FASTKD1: variants seen among roughly 807,000 people sequenced by gnomAD.
FASTKD1 encodes FAST kinase domain-containing protein 1, mitochondrial.
A neutral mutation model predicts 90.9 loss-of-function variants in FASTKD1; 94 were observed. That is an observed-to-expected ratio of 1.03 (90% CI 0.88 to 1.23). The LOEUF is 1.23. Ranked by LOEUF, FASTKD1 falls within the 50% of genes most tolerant of loss-of-function variation. The pLI is 0.00. For missense variants in FASTKD1, 945 were observed against 993.5 expected (o/e 0.95, Z 0.66); for synonymous variants, 319 against 345.8 (o/e 0.92, Z 0.86).
At chr2:169,554,245 T>A (rs932306404) in intron 7 of FASTKD1, among the ~76,000 whole-genome samples, 9 of 109,588 alleles carry the variant, frequency 8.2e-5, no homozygotes, top group Admixed American at 1.5e-4. Flanking sequence ...ACCACTGCAC[T>A]CCAGCCCAGG....
chr2:169,546,148 C>A lies in FASTKD1; in HGVS notation c.1701+70G>T. 6 of 1,428,912 alleles carry A rather than the reference C, an allele frequency of 4.2e-6. No homozygotes were observed. In the South Asian group the frequency reaches 7.4e-5, roughly 18 times the overall value. 88.5% of individuals were successfully genotyped at this position (1,428,912 alleles called of 1,614,324 possible). A position where few individuals can be genotyped will look rare whatever the true frequency, so the allele number is the denominator to read the frequency against. On this transcript the variant is annotated intron_variant, in intron 8 of 14. Transcript: ENST00000453153. ...AATTCCAATCCAAGTTCTCAAAGTG[C>A]CTATGATAAAAATTATGCTTGCAGA...
In FASTKD1 at chr2:169,570,050, C is replaced by A. The variant is rs952726342; in HGVS notation, c.378-798G>T. On this transcript the variant is annotated intron_variant, in intron 2 of 14. Transcript: ENST00000453153. ...GTTTAACATCAATCCCCAATATAAG[C>A]CCCAAGCCCCTTTCCTATAAATGCC... Among the ~76,000 whole-genome samples the A allele has an allele frequency of 2.6e-5, 4 of 152,036 alleles. No homozygotes were observed. The East Asian group carries it at 7.7e-4, about 29-fold the overall frequency.
rs1350390719 is a variant in FASTKD1, at chr2:169,531,361, C to G, written c.2318G>C (p.Gly773Ala). The G allele has an allele frequency of 1.2e-6, 2 of 1,613,440 alleles. No homozygotes were observed. Among genetic ancestry groups the G allele is most frequent in the Admixed American group, 3.3e-5 (2 of 59,956 alleles). Residue 773 changes from glycine (G) to alanine (A), a missense_variant, in exon 13 of 15, where the codon GGG becomes GCG. Gly to Ala is a moderately conservative substitution (Grantham distance 60). Coordinates refer to ENST00000453153, the MANE Select transcript of FASTKD1 (RefSeq NM_024622.6). Reference protein sequence around the residue: ...IEIVGSRLPPGAERIALEFLD... With the variant: ...IEIVGSRLPPAAERIALEFLD... ...CTAAGAAATAAATTACCTTTCAGCC[C>G]CTGGTGGCAGCCTTGATCCAACTAT... is the stretch of plus-strand genomic sequence containing the variant.
chr2:169,572,252 A>AT (rs35526484), intron 1 of FASTKD1, 81 bp from the exon 2 acceptor site: 1 of 381,286 alleles, frequency 2.6e-6, no homozygotes, highest in Non-Finnish European at 4.5e-6. Context: ...AAAGTAATAC[A>AT]TTTTTTCTGC....
At chr2:169,559,078 G>A (rs141022597) in intron 5 of FASTKD1, among the ~76,000 whole-genome samples, 1,542 of 151,224 alleles carry the variant, frequency 0.01, 26 homozygotes, top group African/African-American at 0.035. Flanking sequence ...GGGTTCAAGC[G>A]ATTCTCCTGC....
rs774966469 is a variant in FASTKD1 at position 169,529,892 on chromosome 2, G to A, written c.2477C>T (p.Ser826Leu). 8 of 1,613,366 alleles carry A rather than the reference G, an allele frequency of 5.0e-6. No individual in the cohort carries two copies. Among genetic ancestry groups the A allele is most frequent in the African/African-American group, 2.7e-5 (2 of 74,868 alleles). Residue 826 changes from serine to leucine, a missense_variant, in exon 15 of 15, where the codon TCA (serine) becomes TTA (leucine). Physicochemically the swap from Ser to Leu is moderately radical, Grantham distance 145 (BLOSUM62 -2). Coordinates refer to ENST00000453153, the MANE Select transcript of FASTKD1 (RefSeq NM_024622.6). ...GTAGTCCATCCGAGCATCCTTTGTT[G>A]ACAGTGCCATAGAGTTCCATTCAAA... ...SQFEWNSMAL[S>L]TKDARMDYLR...
In FASTKD1 at chr2:169,560,134, G is replaced by A. The variant is rs1434578063; in HGVS notation, c.971+253C>T. 5.7e-5 allele frequency: 14 copies of A among 243,812 alleles called. No individual in the cohort carries two copies. The South Asian group carries it at 1.2e-3, about 21-fold the overall frequency. The allele number at this position is 243,812 out of a possible 1,614,324, so 15.1% of individuals were successfully genotyped here. On this transcript the variant is annotated intron_variant, in intron 5 of 14. Transcript: ENST00000453153. ...AAAAGGGAGAATAAAAACACATGGC[G>A]TTTCCCCTCATTTTTTTTCATGTTG...
Position 169,546,544 on chromosome 2 carries a change from A to G in FASTKD1, c.1375T>C (p.Leu459=), listed in dbSNP as rs1685209168. 6.2e-7 allele frequency: 1 copy of G among 1,614,142 alleles called. No homozygotes were observed. The highest frequency in any genetic ancestry group is 2.2e-5 in the East Asian group (1 of 44,878). The change falls in exon 8 of 15, where the codon TTA becomes CTA. Residue 459 remains leucine (L), a synonymous_variant. Coordinates refer to ENST00000453153, the MANE Select transcript of FASTKD1 (RefSeq NM_024622.6). ...NNLSSFATSV[L]RWIQHDHMYL... ...ATGTGATCATGCTGAATCCATCTTA[A>G]AACAGATGTGGCAAAACTACTCAGG...
At chr2:169,542,085 C>A (rs1281199675) in intron 9 of FASTKD1, among the ~76,000 whole-genome samples, 2 of 152,138 alleles carry the variant, frequency 1.3e-5, no homozygotes, top group African/African-American at 2.4e-5. Context: ...CTCACACTTA[C>A]CATGATGCTC....
chr2:169,555,190 T>C lies in FASTKD1; in HGVS notation c.1148A>G (p.Gln383Arg). ...YKPLELLKIT[Q>R]ELTFLHFQRK... ...TTGGAAATGCAGAAAAGTTAATTCTTGAGTTATCTTCAACAACTCTAATGG... is the reference window on the plus strand; with the variant it reads ...TTGGAAATGCAGAAAAGTTAATTCTCGAGTTATCTTCAACAACTCTAATGG... The change falls in exon 7 of 15, where the codon CAA (glutamine) becomes CGA (arginine). Residue 383 changes from glutamine to arginine, a missense_variant. Gln to Arg is a conservative substitution (Grantham distance 43). Transcript: ENST00000453153. 6.2e-7 allele frequency: 1 copy of C among 1,612,124 alleles called. No homozygotes were observed.
Position 169,572,051 on chromosome 2 carries a change from G to C in FASTKD1, c.-22C>G. The C allele has an allele frequency of 6.5e-7, 1 of 1,544,878 alleles. No individual in the cohort carries two copies. The highest frequency in any genetic ancestry group is 8.7e-7 in the Non-Finnish European group (1 of 1,147,424). On this transcript the variant is annotated 5_prime_UTR_variant, in exon 2 of 15. Transcript: ENST00000453153. The stretch of plus-strand genomic sequence containing the variant: ...TCATTTATATCACAAGTTTTCTTAG[G>C]TAAACAAAACCATCTGCAACTAGTC...
At position 169,537,227 on chromosome 2, in the gene FASTKD1, C is replaced by T. The variant is rs139576803; in HGVS notation, c.2188G>A (p.Asp730Asn). Residue 730 changes from aspartate to asparagine, a missense_variant and splice_region_variant, in exon 12 of 15, where the codon GAT (aspartate) becomes AAT (asparagine). Transcript: ENST00000453153. ...SVLTPYYHKVDFECILDKRKK... is the reference protein window; with the variant it reads ...SVLTPYYHKVNFECILDKRKK... ...ACTAATAACCTACCCAATAACTTACCTACTTTGTGGTAATAAGGCGTAAGA... is the reference window on the plus strand; with the variant it reads ...ACTAATAACCTACCCAATAACTTACTTACTTTGTGGTAATAAGGCGTAAGA... 230 of 1,558,354 alleles carry T rather than the reference C, an allele frequency of 1.5e-4. No individual in the cohort carries two copies. Among genetic ancestry groups the T allele is most frequent in the Non-Finnish European group, 1.9e-4 (214 of 1,130,332 alleles).
intron 7 of FASTKD1, among the ~76,000 whole-genome samples, chr2:169,547,205 AG>A (rs974951259): frequency 1.3e-5 from 2 of 152,224 alleles, no homozygotes; most frequent in African/African-American, 4.8e-5. Context: ...ATGCAGATGA[AG>A]GGACAGTAGG....
At chr2:169,552,699 C>T (rs886249999) in intron 7 of FASTKD1, among the ~76,000 whole-genome samples, 58 of 151,954 alleles carry the variant, frequency 3.8e-4, no homozygotes, top group African/African-American at 1.3e-3. Context: ...GCTATGAGTA[C>T]GCAAAGGCAT....
Position 169,544,701 on chromosome 2 carries a change from T to C in FASTKD1, c.1816+20A>G. On this transcript the variant is annotated intron_variant, in intron 9 of 14. Transcript: ENST00000453153. ...TCCTCTGACTTATTCACTCAATGTA[T>C]TACCAAACAATATACCTACCTAAGT... The C allele has an allele frequency of 7.5e-7, 1 of 1,342,134 alleles. No individual in the cohort carries two copies. Among genetic ancestry groups the C allele is most frequent in the Non-Finnish European group, 1.1e-6 (1 of 935,008 alleles). The allele number at this position is 1,342,134 out of a possible 1,614,324, so 83.1% of individuals were successfully genotyped here.
At chr2:169,545,252 T>C (rs1412756030) in intron 8 of FASTKD1, among the ~76,000 whole-genome samples, 1 of 152,148 alleles carries the variant, frequency 6.6e-6, no homozygotes, top group Non-Finnish European at 1.5e-5. Context: ...TAAATTCTGT[T>C]TCAGAATTCA....
Position 169,563,247 on chromosome 2 carries a change from A to T in FASTKD1, c.550T>A (p.Leu184Met). 2 of 1,611,454 alleles carry T rather than the reference A, an allele frequency of 1.2e-6. No homozygotes were observed. The highest frequency in any genetic ancestry group is 1.7e-6 in the Non-Finnish European group (2 of 1,179,484). The change falls in exon 4 of 15, where the codon TTG (leucine) becomes ATG (methionine). Residue 184 changes from leucine (L) to methionine (M), a missense_variant. Coordinates refer to ENST00000453153, the MANE Select transcript of FASTKD1 (RefSeq NM_024622.6). Reference protein sequence around the residue: ...GKIADIVHRNLETTQDLSSLS... With the variant: ...GKIADIVHRNMETTQDLSSLS... Reference sequence around the variant, plus strand: ...TACCTTAAGTCCTGTGTGGTTTCCAAGTTCCTATGAACAATATCAGCTATT... The same window carrying T: ...TACCTTAAGTCCTGTGTGGTTTCCATGTTCCTATGAACAATATCAGCTATT...
chr2:169,548,731 CAAAA>C (rs58560988), intron 7 of FASTKD1, among the ~76,000 whole-genome samples: 1,775 of 35,500 alleles, frequency 0.05, 30 homozygotes, highest in African/African-American at 0.18. Context: ...GACTCCGCCT[CAAAA>C]AAAAAAAAAA....
Position 169,541,225 on chromosome 2 carries a change from A to T in FASTKD1, c.1817-1046T>A, listed in dbSNP as rs13422247. Among the ~76,000 whole-genome samples, 657 of 152,336 alleles carry T rather than the reference A, an allele frequency of 4.3e-3. 8 individuals are homozygous for T. Among genetic ancestry groups the T allele is most frequent in the African/African-American group, 0.015 (629 of 41,570 alleles). On this transcript the variant is annotated intron_variant, in intron 9 of 14. Transcript: ENST00000453153. ...AATTTTACTTATAAAGTTCCCTAGG[A>T]ATTTTTAAAACTTTCTCTGATTAAG...
Sources: allele counts gnomAD v4.1 joint callset (sites outside exome capture counted in the v4.1 genomes callset), GRCh38; gene constraint gnomAD v4.1.1; transcripts MANE v1.5; gene names NCBI Gene and HGNC (gene_info 2026-07-23, HGNC 2026-07-21).